TEX11: variants seen among roughly 807,000 people sequenced by gnomAD.
TEX11 encodes the protein testis expressed 11, also known as testis-expressed protein 11.
In TEX11, 7 loss-of-function variants were observed where a neutral mutation model predicts 84.4. The observed-to-expected ratio is 0.08, with a 90% CI of 0.05 to 0.16. TEX11 has a LOEUF of 0.16. Among genes scored for constraint, TEX11 ranks in the 10% least tolerant of loss-of-function variants. The pLI is 1.00. For missense variants in TEX11, 551 were observed against 660.5 expected (o/e 0.83, Z 1.82); for synonymous variants, 264 against 222.8 (o/e 1.18, Z -1.64).
At chrX:70,627,621 A>G (rs1393544094) in intron 18 of TEX11, among the ~76,000 whole-genome samples, 6 of 111,698 alleles carry the variant, frequency 5.4e-5, no homozygotes, top group Middle Eastern at 4.6e-3. Flanking sequence ...AAAGGGATTT[A>G]AAGATAAGGT....
intron 16 of TEX11, among the ~76,000 whole-genome samples, chrX:70,658,891 A>G (rs901391481): frequency 5.3e-5 from 6 of 112,166 alleles, no homozygotes; most frequent in Non-Finnish European, 1.1e-4. Flanking sequence ...TAGAGAGCCC[A>G]GAAATGAACC....
intron 17 of TEX11, among the ~76,000 whole-genome samples, chrX:70,642,536 C>G (rs1330129751): frequency 2.9e-5 from 3 of 104,008 alleles, no homozygotes; most frequent in African/African-American, 7.0e-5. Context: ...TACTGGCAAA[C>G]CGAATCCAGC....
At chrX:70,873,185 A>G (rs762309432) in intron 4 of TEX11, 38 bp downstream of exon 4, 1 of 805,817 alleles carries the variant, frequency 1.2e-6, no homozygotes, top group South Asian at 2.1e-5. Flanking sequence ...TATAGTAAGA[A>G]CACGCCTCAT....
chrX:70,684,955 T>C (rs978985086), intron 13 of TEX11, among the ~76,000 whole-genome samples: 15 of 111,642 alleles, frequency 1.3e-4, no homozygotes, highest in Non-Finnish European at 2.3e-4. Context: ...AACAGACACA[T>C]AGACCAATGG....
chrX:70,523,608 C>A, the TEX11 span, among the ~76,000 whole-genome samples: 2 of 109,975 alleles, frequency 1.8e-5, no homozygotes, highest in East Asian at 5.7e-4. Context: ...GGACTACAGG[C>A]ACCCACCACC....
rs750012866 is a variant in TEX11, at chrX:70,907,739, G to A, written c.37+14C>T. The stretch of plus-strand genomic sequence containing the variant: ...GTTTGACACTATTTTGTACTACCAC[G>A]TAGAGCTACGTACCTTTAAAGTCCA... On this transcript the variant is annotated intron_variant, in intron 2 of 29. Coordinates refer to ENST00000374333, the MANE Select transcript of TEX11 (RefSeq NM_031276.3). 4.4e-6 allele frequency: 5 copies of A among 1,146,625 alleles called. No individual in the cohort carries two copies. Among genetic ancestry groups the A allele is most frequent in the East Asian group, 6.0e-5 (2 of 33,550 alleles). The allele number at this position is 1,146,625 out of a possible 1,213,427, so 94.5% of individuals were successfully genotyped here.
At chrX:70,522,533 C>G in the TEX11 span, among the ~76,000 whole-genome samples, 1 of 110,896 alleles carries the variant, frequency 9.0e-6, no homozygotes, top group South Asian at 3.9e-4. Context: ...TGCAAATACA[C>G]AGAGAGTTCT....
At chrX:70,642,546 C>T (rs1287497762) in intron 17 of TEX11, among the ~76,000 whole-genome samples, 1 of 103,249 alleles carries the variant, frequency 9.7e-6, no homozygotes, top group African/African-American at 3.5e-5. Flanking sequence ...CCGAATCCAG[C>T]AGCACATCAA....
At chrX:70,784,019 A>C (rs1241914217) in intron 9 of TEX11, among the ~76,000 whole-genome samples, 3 of 111,573 alleles carry the variant, frequency 2.7e-5, no homozygotes, top group African/African-American at 9.8e-5. Context: ...CAGAGACACA[A>C]CAAAAAAAAA....
At chrX:70,881,548 C>A (rs1194826108) in intron 2 of TEX11, among the ~76,000 whole-genome samples, 2 of 110,306 alleles carry the variant, frequency 1.8e-5, no homozygotes, top group Admixed American at 2.0e-4. Context: ...TTTTAAGCTG[C>A]TAAAATAAAC....
chrX:70,654,709 C>CAAAAAAAA (rs56822297), intron 16 of TEX11, among the ~76,000 whole-genome samples: 1 of 37,619 alleles, frequency 2.7e-5, no homozygotes, highest in Non-Finnish European at 4.4e-5. Flanking sequence ...GACTCTGTCT[C>CAAAAAAAA]AAAAAAAAAA....
intron 5 of TEX11, 42 bp downstream of exon 5, chrX:70,860,815 C>T: frequency 3.1e-6 from 3 of 962,880 alleles, no homozygotes; most frequent in Non-Finnish European, 4.4e-6. Context: ...GAAGTAACAA[C>T]CATCTCATTT....
At chrX:70,720,029 C>T (rs1389426079) in intron 13 of TEX11, among the ~76,000 whole-genome samples, 4 of 111,742 alleles carry the variant, frequency 3.6e-5, no homozygotes, top group Admixed American at 9.5e-5. Context: ...GGTATATACC[C>T]AAAGGATTAT....
intron 2 of TEX11, among the ~76,000 whole-genome samples, chrX:70,896,017 A>G (rs1186220041): frequency 1.8e-5 from 2 of 112,519 alleles, no homozygotes; most frequent in Non-Finnish European, 3.7e-5. Flanking sequence ...CAAAATTGAC[A>G]AATTGAATCT....
chrX:70,586,639 A>G (rs1160253738), intron 25 of TEX11, among the ~76,000 whole-genome samples: 3 of 111,976 alleles, frequency 2.7e-5, no homozygotes, highest in Non-Finnish European at 5.6e-5. Context: ...TTAACCTACT[A>G]GAATAGCTAT....
intron 25 of TEX11, among the ~76,000 whole-genome samples, chrX:70,588,932 CAA>C (rs1174379817): frequency 7.3e-4 from 37 of 50,512 alleles, no homozygotes; most frequent in Admixed American, 9.6e-4. Context: ...AACCCCAACT[CAA>C]AAAAAAAAAA....
chrX:70,570,860 T>C (rs1163295766), intron 25 of TEX11, among the ~76,000 whole-genome samples: 1 of 111,798 alleles, frequency 8.9e-6, no homozygotes, highest in Non-Finnish European at 1.9e-5. Flanking sequence ...CTTTTTATTG[T>C]GATTTTAATG....
At chrX:70,813,400 C>G (rs7879930) in intron 8 of TEX11, among the ~76,000 whole-genome samples, 4 of 111,208 alleles carry the variant, frequency 3.6e-5, no homozygotes, top group Non-Finnish European at 3.8e-5. Flanking sequence ...ATTCAACAGC[C>G]CTTCATGCTA....
chrX:70,534,122 A>AAC (rs2087925441), intron 28 of TEX11, among the ~76,000 whole-genome samples: 2 of 79,808 alleles, frequency 2.5e-5, no homozygotes, highest in Admixed American at 1.4e-4. Context: ...AAAAAGTAAA[A>AAC]GATCACCTTG....
Sources: allele counts gnomAD v4.1 joint callset (sites outside exome capture counted in the v4.1 genomes callset), GRCh38; gene constraint gnomAD v4.1.1; transcripts MANE v1.5; gene names NCBI Gene and HGNC (gene_info 2026-07-23, HGNC 2026-07-21).